Variants in CTNNA2 observed in about 807,000 individuals in gnomAD.
CTNNA2 encodes catenin alpha-2.
A neutral mutation model predicts 101.0 loss-of-function variants in CTNNA2; 42 were observed. That is an observed-to-expected ratio of 0.42 (90% CI 0.32 to 0.54). The LOEUF is 0.54. CTNNA2 is among the 20% of genes least tolerant of loss of function. CTNNA2 has a pLI of 0.14. For missense variants in CTNNA2, 871 were observed against 1,223.1 expected, an observed-to-expected ratio of 0.71 and a Z score of 4.29; for synonymous variants, 450 against 456.4, an observed-to-expected ratio of 0.99 and a Z score of 0.18.
intron 15 of CTNNA2, among the ~76,000 whole-genome samples, chr2:80,602,694 G>A (rs1697656940): frequency 6.6e-6 from 1 of 152,044 alleles, no homozygotes; most frequent in Non-Finnish European, 1.5e-5. Context: ...GTCACAGAAT[G>A]TTTAACTCAT....
chr2:79,485,608 G>A (rs1671149810), intron 4 of CTNNA2, among the ~76,000 whole-genome samples: 1 of 152,132 alleles, frequency 6.6e-6, no homozygotes, highest in South Asian at 2.1e-4. Context: ...CCCATGATAG[G>A]CACTGAGAGC....
At chr2:79,306,670 A>G (rs1031321708) in intron 2 of CTNNA2, among the ~76,000 whole-genome samples, 2 of 152,188 alleles carry the variant, frequency 1.3e-5, no homozygotes, top group African/African-American at 2.4e-5. Context: ...ATTTTTCCAT[A>G]TCTAGTATTT....
At chr2:80,006,535 G>T (rs1042690444) in intron 7 of CTNNA2, among the ~76,000 whole-genome samples, 11 of 151,920 alleles carry the variant, frequency 7.2e-5, no homozygotes, top group African/African-American at 2.7e-4. Flanking sequence ...GGTCAGGCTG[G>T]TCTCGAACTC....
At chr2:80,475,969 T>C (rs535774148) in intron 9 of CTNNA2, among the ~76,000 whole-genome samples, 1 of 152,262 alleles carries the variant, frequency 6.6e-6, no homozygotes, top group South Asian at 2.1e-4. Context: ...AGAGCAATAA[T>C]GTTAGGGCAC....
intron 2 of CTNNA2, among the ~76,000 whole-genome samples, chr2:79,267,123 C>T (rs1674996577): frequency 6.6e-6 from 1 of 152,054 alleles, no homozygotes; most frequent in Non-Finnish European, 1.5e-5. Context: ...GAACCTTGAA[C>T]CCTCATATTT....
At chr2:79,328,901 A>G (rs866281166) in intron 3 of CTNNA2, among the ~76,000 whole-genome samples, 1 of 152,080 alleles carries the variant, frequency 6.6e-6, no homozygotes, top group South Asian at 2.1e-4. Context: ...TTTTCCTACC[A>G]CTTTGTGCTT....
chr2:79,229,396 C>T (rs1674461664), intron 2 of CTNNA2, among the ~76,000 whole-genome samples: 1 of 152,148 alleles, frequency 6.6e-6, no homozygotes, highest in South Asian at 2.1e-4. Context: ...AATCTCATGA[C>T]ATCTGATGGG....
intron 7 of CTNNA2, among the ~76,000 whole-genome samples, chr2:80,118,233 C>T (rs1430018072): frequency 1.4e-4 from 22 of 152,176 alleles, no homozygotes; most frequent in Admixed American, 1.4e-3. Flanking sequence ...AACATCTACT[C>T]TCTTGAAGTT....
chr2:79,769,239 T>C (rs1673400388), intron 3 of CTNNA2, among the ~76,000 whole-genome samples: 1 of 152,150 alleles, frequency 6.6e-6, no homozygotes, highest in Non-Finnish European at 1.5e-5. Flanking sequence ...CGGAATGCCC[T>C]CTTGATTGGA....
chr2:79,800,149 G>T lies in CTNNA2; in HGVS notation c.298+55567G>T, dbSNP rs529598921. Among the ~76,000 whole-genome samples the T allele has an allele frequency of 4.6e-5, 7 of 152,282 alleles. No individual in the cohort carries two copies. The East Asian group carries it at 1.3e-3, about 29-fold the overall frequency. On this transcript the variant is annotated intron_variant, in intron 3 of 18. Transcript: ENST00000402739. ...AAAATACAAGAGAACTCTTTAAGAT[G>T]CAGAGTATGGTGATTCTAATTCAAA...
intron 7 of CTNNA2, among the ~76,000 whole-genome samples, chr2:80,036,432 A>G (rs1476084253): frequency 1.3e-5 from 2 of 152,048 alleles, no homozygotes; most frequent in Admixed American, 6.6e-5. Context: ...ATCTCTACAG[A>G]AGAAGTAAAT....
At chr2:80,639,389 T>C (rs1488575162) in intron 18 of CTNNA2, among the ~76,000 whole-genome samples, 2 of 152,084 alleles carry the variant, frequency 1.3e-5, no homozygotes, top group African/African-American at 4.8e-5. Context: ...TTTGTATTTT[T>C]GGTAGAGATG....
At chr2:80,252,113 C>T (rs1389860070) in intron 7 of CTNNA2, among the ~76,000 whole-genome samples, 1 of 152,114 alleles carries the variant, frequency 6.6e-6, no homozygotes, top group Non-Finnish European at 1.5e-5. Context: ...TTAAAACATC[C>T]TATTAGATAT....
intron 9 of CTNNA2, among the ~76,000 whole-genome samples, chr2:80,542,415 C>A (rs1378757058): frequency 1.3e-5 from 2 of 151,876 alleles, no homozygotes; most frequent in East Asian, 3.9e-4. Flanking sequence ...GAAAATTGAT[C>A]CTAAATGGCT....
chr2:80,552,475 T>C (rs1573237827), intron 11 of CTNNA2, among the ~76,000 whole-genome samples: 2 of 152,186 alleles, frequency 1.3e-5, no homozygotes, highest in East Asian at 3.9e-4. Context: ...ATAACTACTA[T>C]CATGAAGAAA....
intron 8 of CTNNA2, among the ~76,000 whole-genome samples, chr2:80,418,593 C>T (rs1008550713): frequency 5.9e-5 from 9 of 152,128 alleles, no homozygotes; most frequent in African/African-American, 1.7e-4. Flanking sequence ...CAATAACGAA[C>T]GTGTGGGTGT....
chr2:79,381,609 C>T (rs962223972), intron 4 of CTNNA2, among the ~76,000 whole-genome samples: 1 of 152,192 alleles, frequency 6.6e-6, no homozygotes, highest in Non-Finnish European at 1.5e-5. Flanking sequence ...ACGGAAGAGG[C>T]TACTTTGCAG....
rs1051398893 is a variant in CTNNA2 at position 79,700,614 on chromosome 2, A to G, written c.103-43773A>G. 3.3e-5 allele frequency among the ~76,000 whole-genome samples: 5 copies of G among 152,270 alleles called. No homozygotes were observed. The East Asian group carries it at 9.7e-4, about 29-fold the overall frequency. ...AGAGTAGCGATTGGGATGCCATAAAATGAGCAAATGGCAGCAAGGCTATAT... is the reference window on the plus strand; with the variant it reads ...AGAGTAGCGATTGGGATGCCATAAAGTGAGCAAATGGCAGCAAGGCTATAT... On this transcript the variant is annotated intron_variant, in intron 2 of 18. Transcript: ENST00000402739.
chr2:79,731,362 A>T (rs1687184712), intron 2 of CTNNA2, among the ~76,000 whole-genome samples: 1 of 152,058 alleles, frequency 6.6e-6, no homozygotes. Context: ...CTACAGTTTT[A>T]CCAAATGTGG....
Sources: allele counts gnomAD v4.1 joint callset (sites outside exome capture counted in the v4.1 genomes callset), GRCh38; gene constraint gnomAD v4.1.1; transcripts MANE v1.5; gene names NCBI Gene and HGNC (gene_info 2026-07-23, HGNC 2026-07-21).